KAZN: variants seen among roughly 807,000 people sequenced by gnomAD.
KAZN encodes kazrin.
Under a neutral mutation model 87.4 loss-of-function variants are expected in KAZN, and 40 were observed. That is an observed-to-expected ratio of 0.46 (90% confidence interval 0.36 to 0.60). KAZN has a LOEUF of 0.60. Among genes scored for constraint, KAZN ranks in the 20% least tolerant of loss-of-function variants. The probability of loss-of-function intolerance (pLI) is 0.00; values close to 1 mark genes in which losing one functional copy is unlikely to be tolerated. For synonymous variants in KAZN, 466 were observed against 458.3 expected, an observed-to-expected ratio of 1.02 and a Z score of -0.22; for missense variants, 898 against 1,073.9, an observed-to-expected ratio of 0.84 and a Z score of 2.29.
chr1:14,666,334 A>G (rs1639551916), intron 1 of KAZN, among the ~76,000 whole-genome samples: 1 of 152,136 alleles, frequency 6.6e-6, no homozygotes, highest in Admixed American at 6.6e-5. Context: ...TGTTCTTTGT[A>G]ATGTCTGTGT....
At chr1:14,397,546 T>A (rs1663002511) in intron 2 of KAZN, among the ~76,000 whole-genome samples, 1 of 152,066 alleles carries the variant, frequency 6.6e-6, no homozygotes, top group African/African-American at 2.4e-5. Context: ...ATCATGCAAC[T>A]CACTCTGACC....
intron 2 of KAZN, among the ~76,000 whole-genome samples, chr1:14,511,104 G>T (rs1670877158): frequency 8.2e-6 from 1 of 122,486 alleles, no homozygotes. Flanking sequence ...AGAGTTATCT[G>T]CGGGGGGTGG....
chr1:14,896,758 T>A (rs1361109559), intron 1 of KAZN, among the ~76,000 whole-genome samples: 8 of 152,212 alleles, frequency 5.3e-5, no homozygotes, highest in Admixed American at 5.2e-4. Context: ...CCCATGACAG[T>A]TTCTTGTGAT....
At chr1:14,799,471 T>C (rs1645939002) in intron 1 of KAZN, among the ~76,000 whole-genome samples, 1 of 152,236 alleles carries the variant, frequency 6.6e-6, no homozygotes, top group Non-Finnish European at 1.5e-5. Context: ...GAAACCTCTT[T>C]AGAATATTGA....
Position 14,866,869 on chromosome 1 carries a change from T to A in KAZN, c.227-93815T>A, listed in dbSNP as rs543910808. On this transcript the variant is annotated intron_variant, in intron 1 of 14. Coordinates refer to ENST00000376030, the MANE Select transcript of KAZN (RefSeq NM_201628.3). ...GACACCTAATCTGAGGCCCCAGGCA[T>A]GGAATCTGTGCTGGCCTGAGCTGTG... 2.5e-4 allele frequency among the ~76,000 whole-genome samples: 38 copies of A among 152,364 alleles called. No individual in the cohort carries two copies. The South Asian group carries it at 7.7e-3, about 31-fold the overall frequency.
Position 15,113,667 on chromosome 1 carries a change from C to CT in KAZN, c.2164-792dup, listed in dbSNP as rs755641645. 292 of 121,588 alleles carry CT rather than the reference C, an allele frequency of 2.4e-3. 2 individuals carry two copies. The East Asian group carries it at 0.029, about 12-fold the overall frequency. 7.5% of individuals were successfully genotyped at this position (121,588 alleles called of 1,614,324 possible). On this transcript the variant is annotated intron_variant, in intron 14 of 14. Transcript: ENST00000376030. ...TATGTGCTTTGCAGATGGGACTTGA[C>CT]TTTTTTTTTTTTGAGACAGGGTCTC...
At chr1:14,659,063 C>T (rs1638987319) in intron 1 of KAZN, among the ~76,000 whole-genome samples, 1 of 152,068 alleles carries the variant, frequency 6.6e-6, no homozygotes, top group African/African-American at 2.4e-5. Flanking sequence ...CATGGTGAAA[C>T]CCCATCTCTA....
At chr1:14,141,647 T>A (rs1645242685) in intron 1 of KAZN, among the ~76,000 whole-genome samples, 2 of 152,080 alleles carry the variant, frequency 1.3e-5, no homozygotes, top group African/African-American at 4.8e-5. Flanking sequence ...CTTTCAATAA[T>A]TTGAGACCCT....
intron 1 of KAZN, among the ~76,000 whole-genome samples, chr1:14,832,955 T>C (rs538232974): frequency 1.3e-5 from 2 of 152,366 alleles, no homozygotes; most frequent in South Asian, 2.1e-4. Flanking sequence ...CAGAGTTGAA[T>C]AGTCAAGGTG....
chr1:14,853,323 G>A (rs1461601905), intron 1 of KAZN, among the ~76,000 whole-genome samples: 2 of 152,296 alleles, frequency 1.3e-5, no homozygotes, highest in Middle Eastern at 3.4e-3. Context: ...AATGGGAGAG[G>A]ACAGAGGAGA....
At chr1:14,941,820 G>A (rs2101643292) in intron 1 of KAZN, among the ~76,000 whole-genome samples, 1 of 152,328 alleles carries the variant, frequency 6.6e-6, no homozygotes, top group Non-Finnish European at 1.5e-5. Context: ...GAGAGCTGCT[G>A]TCCTCTTGTC....
chr1:13,996,737 C>T (rs931157308), intron 1 of KAZN, among the ~76,000 whole-genome samples: 5 of 152,244 alleles, frequency 3.3e-5, no homozygotes, highest in Non-Finnish European at 7.3e-5. Flanking sequence ...GGGGTGGCCA[C>T]AGTCTCTGCA....
At chr1:13,956,714 GT>G (rs1641564803) in intron 1 of KAZN, among the ~76,000 whole-genome samples, 1 of 152,006 alleles carries the variant, frequency 6.6e-6, no homozygotes, top group Non-Finnish European at 1.5e-5. Context: ...CCACTATTTT[GT>G]TGTTGGGAAA....
chr1:14,150,864 C>T (rs61777763), intron 1 of KAZN, among the ~76,000 whole-genome samples: 5,747 of 152,090 alleles, frequency 0.038, 138 homozygotes, highest in Non-Finnish European at 0.057. Context: ...AATTGAATAA[C>T]TAATGTATAT....
intron 2 of KAZN, among the ~76,000 whole-genome samples, chr1:14,414,626 GTGTA>G (rs1383191262): frequency 1.3e-5 from 2 of 152,114 alleles, no homozygotes; most frequent in Non-Finnish European, 2.9e-5. Flanking sequence ...GTGTGTGTGT[GTGTA>G]TGTGTGTGTG....
intron 1 of KAZN, among the ~76,000 whole-genome samples, chr1:14,037,514 A>G (rs1399768058): frequency 6.6e-6 from 1 of 152,184 alleles, no homozygotes; most frequent in Non-Finnish European, 1.5e-5. Flanking sequence ...ATAGGGACCA[A>G]ATTTAGAACC....
chr1:14,436,870 C>T lies in KAZN; in HGVS notation c.250-162113C>T, dbSNP rs572441992. 7.9e-5 allele frequency among the ~76,000 whole-genome samples: 12 copies of T among 152,260 alleles called. No individual in the cohort carries two copies. In the East Asian group the frequency reaches 2.3e-3, roughly 29 times the overall value. On this transcript the variant is annotated intron_variant, in intron 2 of 16. Coordinates refer to the KAZN transcript ENST00000636203. ...TCAGTGGAGCAAAGAGGATTTCACTCAGGTCTGTCTGATTCCAAAGCCTTC... is the reference window on the plus strand; with the variant it reads ...TCAGTGGAGCAAAGAGGATTTCACTTAGGTCTGTCTGATTCCAAAGCCTTC...
At chr1:14,440,181 G>A (rs528311615) in intron 2 of KAZN, among the ~76,000 whole-genome samples, 1 of 152,296 alleles carries the variant, frequency 6.6e-6, no homozygotes, top group South Asian at 2.1e-4. Context: ...CCACAAAGAA[G>A]GTACTCTGTA....
At chr1:14,284,984 AGAGAACATG>A (rs1021813196) in intron 2 of KAZN, among the ~76,000 whole-genome samples, 13 of 152,168 alleles carry the variant, frequency 8.5e-5, no homozygotes, top group African/African-American at 2.4e-5. Context: ...CCTACTCTCC[AGAGAACATG>A]GACGTACTTT....
Sources: allele counts gnomAD v4.1 joint callset (sites outside exome capture counted in the v4.1 genomes callset), GRCh38; gene constraint gnomAD v4.1.1; transcripts MANE v1.5; gene names NCBI Gene and HGNC (gene_info 2026-07-23, HGNC 2026-07-21).